Variants in ZNF107 observed in about 807,000 individuals in gnomAD.
ZNF107 encodes the protein zinc finger protein 107, also known as C2H2 type zinc-finger protein.
ZNF107 carries 19 observed loss-of-function variants against 12.3 expected under a neutral mutation model. The observed-to-expected ratio is 1.55, with a 90% CI of 1.08 to 2.27. The LOEUF (loss-of-function observed/expected upper bound fraction) is 2.27, where lower values mean the gene tolerates loss of function less well. ZNF107 is among the 30% of genes most tolerant of loss of function. ZNF107 has a pLI of 0.00. For missense variants in ZNF107, 958 were observed against 979.9 expected, an observed-to-expected ratio of 0.98 and a Z score of 0.30; for synonymous variants, 317 against 330.5, an observed-to-expected ratio of 0.96 and a Z score of 0.44.
Position 64,708,796 on chromosome 7 carries a change from A to G in ZNF107, c.*140A>G. The stretch of plus-strand genomic sequence containing the variant: ...ATTTTATACTGGTGAGAAACCTTAC[A>G]ATGTAAAGAATGTGGCACAGCTTTT... On this transcript the variant is annotated 3_prime_UTR_variant, in exon 4 of 4. Transcript: ENST00000620827. 3 of 823,652 alleles carry G rather than the reference A, an allele frequency of 3.6e-6. No homozygotes were observed. Among genetic ancestry groups the G allele is most frequent in the Non-Finnish European group, 5.6e-6 (3 of 535,122 alleles). 51.0% of individuals were successfully genotyped at this position (823,652 alleles called of 1,614,324 possible).
Position 64,708,100 on chromosome 7 carries a change from A to G in ZNF107, c.2003A>G (p.Lys668Arg). ...CTATTCTCAAACATTACTAACCATA[A>G]GATAATTTATACTGGAGAGAAACCC... Reference protein sequence around the residue: ...FNLFSNITNHKIIYTGEKPHK... With the variant: ...FNLFSNITNHRIIYTGEKPHK... The change falls in exon 4 of 4, where the codon AAG becomes AGG. Residue 668 changes from lysine to arginine, a missense_variant. Physicochemically the swap from Lys to Arg is conservative, Grantham distance 26. Transcript: ENST00000620827. 2 of 1,613,200 alleles carry G rather than the reference A, an allele frequency of 1.2e-6. No individual in the cohort carries two copies. The highest frequency in any genetic ancestry group is 1.7e-4 in the Middle Eastern group (1 of 6,052).
chr7:64,684,446 C>T (rs1475404180), intron 1 of ZNF107: 1 of 383,596 alleles, frequency 2.6e-6, no homozygotes, highest in Non-Finnish European at 3.6e-6. Flanking sequence ...GTTTATGGTA[C>T]CCCAATGGCT....
chr7:64,701,892 A>G (rs1332882110), intron 3 of ZNF107, among the ~76,000 whole-genome samples: 1 of 152,046 alleles, frequency 6.6e-6, no homozygotes, highest in African/African-American at 2.4e-5. Context: ...AAATATTGGG[A>G]TTACATTTCT....
chr7:64,687,840 A>T (rs1428466635), intron 1 of ZNF107, among the ~76,000 whole-genome samples: 2 of 152,116 alleles, frequency 1.3e-5, no homozygotes, highest in Admixed American at 6.5e-5. Context: ...ATCATTGTGG[A>T]GTTACTCTGG....
rs1210395194 is a variant in ZNF107 at position 64,708,005 on chromosome 7, T to A, written c.1908T>A (p.Leu636=). 1 of 1,613,206 alleles carries A rather than the reference T, an allele frequency of 6.2e-7. No individual in the cohort carries two copies. The highest frequency in any genetic ancestry group is 1.7e-5 in the Admixed American group (1 of 59,904). ...HGKVFNQSSN[L]TTQKIIHTGE... is the part of the protein sequence containing the mutation. ...AAGTTTTTAACCAGTCCTCAAACCT[T>A]ACTACACAAAAGATAATTCATACTG... Residue 636 remains leucine (L), a synonymous_variant, in exon 4 of 4, where the codon CTT becomes CTA. Coordinates refer to ENST00000620827, the MANE Select transcript of ZNF107 (RefSeq NM_001282359.2).
intron 1 of ZNF107, chr7:64,687,181 A>C (rs1789951183): frequency 1.0e-6 from 1 of 985,900 alleles, no homozygotes; most frequent in Admixed American, 6.2e-5. Flanking sequence ...TCTGTTTTGG[A>C]AGCCCTATTA....
chr7:64,691,111 A>G (rs1433224360), intron 1 of ZNF107, 137 bp from the exon 2 acceptor site: 5 of 846,330 alleles, frequency 5.9e-6, no homozygotes, highest in Non-Finnish European at 7.4e-6. Flanking sequence ...TGACCTCGTG[A>G]TTTGCCTGCC....
chr7:64,701,162 G>A (rs1790464097), intron 3 of ZNF107, among the ~76,000 whole-genome samples: 1 of 152,162 alleles, frequency 6.6e-6, no homozygotes, highest in African/African-American at 2.4e-5. Context: ...TTCACTTAAA[G>A]CATATTATGT....
At chr7:64,701,153 T>G (rs988807695) in intron 3 of ZNF107, among the ~76,000 whole-genome samples, 3 of 152,196 alleles carry the variant, frequency 2.0e-5, no homozygotes, top group Non-Finnish European at 4.4e-5. Flanking sequence ...TGCTAATACT[T>G]CACTTAAAGC....
chr7:64,706,472 G>T lies in ZNF107; in HGVS notation c.375G>T (p.Gly125=), dbSNP rs755780703. ...GTAAACATGTGGATGAGTGTACGGG[G>T]CACAAAGGAGGTCATAATACAGTTA... The part of the protein sequence containing the change: ...KGCKHVDECT[G]HKGGHNTVNQ... The change falls in exon 4 of 4, where the codon GGG becomes GGT. Residue 125 remains glycine (G), a synonymous_variant. Transcript: ENST00000620827. 6.2e-7 allele frequency: 1 copy of T among 1,613,440 alleles called. No homozygotes were observed. Among genetic ancestry groups the T allele is most frequent in the South Asian group, 1.1e-5 (1 of 91,022 alleles).
chr7:64,699,759 G>A (rs1305835464), intron 3 of ZNF107, among the ~76,000 whole-genome samples: 2 of 151,990 alleles, frequency 1.3e-5, no homozygotes, highest in African/African-American at 2.4e-5. Context: ...GAATACGCCA[G>A]GTGCAAATAA....
intron 1 of ZNF107, 76 bp downstream of exon 1, chr7:64,666,361 A>C: frequency 1.3e-6 from 2 of 1,565,958 alleles, no homozygotes; most frequent in Non-Finnish European, 1.7e-6. Context: ...CTGTGGCTGG[A>C]CTCGGGCCTC....
intron 3 of ZNF107, among the ~76,000 whole-genome samples, chr7:64,694,776 G>GTA (rs1289569475): frequency 1.3e-5 from 2 of 151,858 alleles, no homozygotes; most frequent in African/African-American, 4.8e-5. Context: ...ATGTCACTCT[G>GTA]TATACATTTT....
chr7:64,666,645 C>T (rs1235115205), intron 1 of ZNF107, among the ~76,000 whole-genome samples: 1 of 152,264 alleles, frequency 6.6e-6, no homozygotes, highest in Middle Eastern at 3.4e-3. Flanking sequence ...AATCCTGACT[C>T]GGGATGCGGG....
intron 3 of ZNF107, among the ~76,000 whole-genome samples, chr7:64,701,791 T>C (rs1388053313): frequency 6.6e-6 from 1 of 152,102 alleles, no homozygotes; most frequent in Non-Finnish European, 1.5e-5. Flanking sequence ...GCTAGATTTT[T>C]TGTATTTTTT....
chr7:64,672,114 AC>A (rs879770604), intron 1 of ZNF107, among the ~76,000 whole-genome samples: 1 of 150,464 alleles, frequency 6.6e-6, no homozygotes, highest in Non-Finnish European at 1.5e-5. Flanking sequence ...TTCACCTTCC[AC>A]CCTCAGCTAG....
intron 3 of ZNF107, among the ~76,000 whole-genome samples, chr7:64,699,852 A>G (rs554487060): frequency 2.0e-5 from 3 of 152,116 alleles, no homozygotes; most frequent in African/African-American, 7.2e-5. Flanking sequence ...GCGGACCACT[A>G]GGTCAGGAGA....
chr7:64,705,472 G>C (rs1163318783), intron 3 of ZNF107, among the ~76,000 whole-genome samples: 1 of 151,400 alleles, frequency 6.6e-6, no homozygotes, highest in African/African-American at 2.4e-5. Context: ...TTTTTTAATG[G>C]TTGCTTTCTG....
At chr7:64,684,491 C>A (rs577334796) in intron 1 of ZNF107, 240 of 804,418 alleles carry the variant, frequency 3.0e-4, no homozygotes, top group Non-Finnish European at 3.2e-4. Context: ...TGGATTCACC[C>A]TTCCAGAGTA....
Sources: gnomAD v4.1 joint callset for allele counts (sites outside exome capture counted in the v4.1 genomes callset) on GRCh38, gnomAD v4.1.1 for gene constraint, MANE v1.5 for transcripts, NCBI Gene and HGNC (gene_info 2026-07-23, HGNC 2026-07-21) for gene names.